RUSC2: variants seen among roughly 807,000 people sequenced by gnomAD.
RUSC2 encodes RUN and SH3 domain containing 2.
Under a neutral mutation model 122.2 loss-of-function variants are expected in RUSC2, and 34 were observed. The ratio of observed to expected loss-of-function variants is 0.28; its 90% CI spans 0.21 to 0.37. The LOEUF is 0.37. RUSC2 is among the 10% of genes least tolerant of loss of function. The probability of loss-of-function intolerance (pLI) is 1.00; values close to 1 mark genes in which losing one functional copy is unlikely to be tolerated. For synonymous variants in RUSC2, 784 were observed against 790.0 expected (o/e 0.99, Z 0.13); for missense variants, 1,747 against 1,952.4 (o/e 0.89, Z 1.98).
chr9:35,549,014 CAG>C (rs1301849617), intron 2 of RUSC2: 6 of 951,170 alleles, frequency 6.3e-6, no homozygotes, highest in Middle Eastern at 5.4e-4. Flanking sequence ...CCTGGGCAGA[CAG>C]AGTGAGATTC....
intron 2 of RUSC2, among the ~76,000 whole-genome samples, chr9:35,553,796 G>A (rs77506115): frequency 0.025 from 3,743 of 152,266 alleles, 70 homozygotes; most frequent in Non-Finnish European, 0.04. Flanking sequence ...TGTCCCCTGG[G>A]AGTGATTCAG....
chr9:35,548,314 C>A lies in RUSC2; in HGVS notation c.1793C>A (p.Pro598Gln), dbSNP rs1821814415. The change falls in exon 2 of 12, where the codon CCA becomes CAA. Residue 598 changes from proline (P) to glutamine (Q), a missense_variant. Transcript: ENST00000361226. The surrounding 1 kb of genome is among the most constrained non-coding windows in gnomAD (Gnocchi z 4.5). Reference protein sequence around the residue: ...DEGTCCSHSLPPMPLGPGMDL... With the variant: ...DEGTCCSHSLQPMPLGPGMDL... ...GGCACTTGCTGTAGCCATAGCCTGC[C>A]ACCCATGCCTTTGGGGCCAGGCATG... is the stretch of plus-strand genomic sequence containing the variant. 1.9e-6 allele frequency: 3 copies of A among 1,614,066 alleles called. No individual in the cohort carries two copies. The East Asian group carries it at 6.7e-5, about 36-fold the overall frequency.
intron 1 of RUSC2, among the ~76,000 whole-genome samples, chr9:35,509,007 T>C (rs1820967303): frequency 6.6e-6 from 1 of 151,978 alleles, no homozygotes; most frequent in Non-Finnish European, 1.5e-5. Context: ...TATAGAGAAA[T>C]TCCTAAATTA....
Position 35,555,643 on chromosome 9 carries a change from A to C in RUSC2, c.2598A>C (p.Arg866=). ...PLGSWRSGLS[R]AESLARGGGE... ...GCTCCTGGCGATCTGGCCTCAGCCG[A>C]GCAGAGAGCCTGGCCCGGGGAGGTG... The change falls in exon 3 of 12, where the codon CGA becomes CGC. Residue 866 remains arginine (R), a synonymous_variant. Transcript: ENST00000361226. The surrounding 1 kb of genome is among the most constrained non-coding windows in gnomAD (Gnocchi z 4.6). The C allele has an allele frequency of 6.2e-7, 1 of 1,609,886 alleles. No homozygotes were observed. The highest frequency in any genetic ancestry group is 1.1e-5 in the South Asian group (1 of 91,038).
chr9:35,521,541 C>T (rs1821215039), intron 1 of RUSC2, among the ~76,000 whole-genome samples: 1 of 152,168 alleles, frequency 6.6e-6, no homozygotes, highest in South Asian at 2.1e-4. Flanking sequence ...GCCTTGGGCG[C>T]CTGGGGTCTT....
chr9:35,491,902 G>A (rs550070922), intron 1 of RUSC2, among the ~76,000 whole-genome samples: 3 of 152,182 alleles, frequency 2.0e-5, no homozygotes, highest in Non-Finnish European at 2.9e-5. Flanking sequence ...GAACCTGGGA[G>A]GCAGATGTTG....
intron 1 of RUSC2, among the ~76,000 whole-genome samples, chr9:35,524,909 TGCAGTAA>T (rs1821293264): frequency 6.6e-6 from 1 of 150,756 alleles, no homozygotes. Flanking sequence ...AGGTGGAGCT[TGCAGTAA>T]GCCAAGATCG....
chr9:35,509,839 A>G (rs1820981709), intron 1 of RUSC2, among the ~76,000 whole-genome samples: 1 of 152,156 alleles, frequency 6.6e-6, no homozygotes, highest in South Asian at 2.1e-4. Flanking sequence ...TGTAACTCCT[A>G]CCACCACCCT....
chr9:35,504,666 C>T (rs956312005), intron 1 of RUSC2, among the ~76,000 whole-genome samples: 4 of 151,978 alleles, frequency 2.6e-5, no homozygotes, highest in East Asian at 1.9e-4. Flanking sequence ...GGTTTCACCA[C>T]GTTGGCCAGA....
In RUSC2 at chr9:35,555,896, C is replaced by CT; in HGVS notation, c.2657-55dup. The CT allele has an allele frequency of 6.3e-7, 1 of 1,579,462 alleles. No individual in the cohort carries two copies. The highest frequency in any genetic ancestry group is 8.6e-7 in the Non-Finnish European group (1 of 1,158,954). ...GGGCCCACTGGGTGGATGTGAAACT[C>CT]TGTCTCGCTGTCTCCTGCCAACTCT... On this transcript the variant is annotated intron_variant, in intron 3 of 11. Transcript: ENST00000361226. This position sits in a 1 kb window ranked among gnomAD's most constrained non-coding sequence, Gnocchi z 4.6.
intron 2 of RUSC2, among the ~76,000 whole-genome samples, chr9:35,551,210 G>T (rs188832569): frequency 6.6e-6 from 1 of 152,342 alleles, no homozygotes; most frequent in African/African-American, 2.4e-5. Flanking sequence ...CAGGAGTAGT[G>T]AGAGTGGAAG....
chr9:35,559,157 C>A (rs533631459), intron 8 of RUSC2, 69 bp from the exon 9 acceptor site: 1 of 1,261,014 alleles, frequency 7.9e-7, no homozygotes, highest in South Asian at 1.2e-5. Flanking sequence ...GTGCCTGACC[C>A]CCTGGATCTG....
intron 1 of RUSC2, among the ~76,000 whole-genome samples, chr9:35,516,756 T>C (rs1447500719): frequency 6.6e-6 from 1 of 152,178 alleles, no homozygotes; most frequent in East Asian, 1.9e-4. Context: ...AGACCTTGCA[T>C]AGAGAGGCCT....
intron 1 of RUSC2, among the ~76,000 whole-genome samples, chr9:35,543,700 C>T (rs1821688248): frequency 6.6e-6 from 1 of 152,120 alleles, no homozygotes; most frequent in African/African-American, 2.4e-5. Flanking sequence ...AACTCTTGAC[C>T]TCAAATGATC....
chr9:35,525,281 A>G (rs1002861970), intron 1 of RUSC2, among the ~76,000 whole-genome samples: 2 of 152,098 alleles, frequency 1.3e-5, no homozygotes, highest in Non-Finnish European at 2.9e-5. Context: ...TTTTCACCTA[A>G]CCCCTCAGTT....
chr9:35,493,167 T>C (rs1820602895), intron 1 of RUSC2, among the ~76,000 whole-genome samples: 1 of 152,140 alleles, frequency 6.6e-6, no homozygotes, highest in Non-Finnish European at 1.5e-5. Flanking sequence ...CCCTGGTGTC[T>C]GCTGTTTGTT....
intron 1 of RUSC2, among the ~76,000 whole-genome samples, chr9:35,502,818 G>A (rs1820840956): frequency 6.6e-6 from 1 of 152,010 alleles, no homozygotes; most frequent in South Asian, 2.1e-4. Context: ...TGGGACACAG[G>A]TGGTTTTTTT....
intron 1 of RUSC2, among the ~76,000 whole-genome samples, chr9:35,493,234 G>C (rs1820603985): frequency 6.6e-6 from 1 of 152,114 alleles, no homozygotes; most frequent in Admixed American, 6.5e-5. Context: ...AGAACATGCA[G>C]TATTTGGTTT....
rs1822080297 is a variant in RUSC2 at position 35,558,804 on chromosome 9, T to G, written c.3341+237T>G. ...TCTGTAATCTGGCTTATTTGGAAAT[T>G]AGTTGGGTTTCTTAATTTCTCTGGA... On this transcript the variant is annotated intron_variant, in intron 8 of 11. Coordinates refer to ENST00000361226, the MANE Select transcript of RUSC2 (RefSeq NM_014806.5). The surrounding 1 kb of genome is among the most constrained non-coding windows in gnomAD (Gnocchi z 4.3). 6.6e-6 allele frequency among the ~76,000 whole-genome samples: 1 copy of G among 152,194 alleles called. No homozygotes were observed. Among genetic ancestry groups the G allele is most frequent in the Non-Finnish European group, 1.5e-5 (1 of 68,036 alleles).
Sources: allele counts gnomAD v4.1 joint callset (sites outside exome capture counted in the v4.1 genomes callset), GRCh38; gene constraint gnomAD v4.1.1; non-coding constraint Gnocchi (gnomAD v3.1); transcripts MANE v1.5; gene names NCBI Gene and HGNC (gene_info 2026-07-23, HGNC 2026-07-21).